Variants in PNPO observed in about 807,000 individuals in gnomAD.
PNPO encodes the protein pyridoxamine 5'-phosphate oxidase.
A neutral mutation model predicts 35.0 loss-of-function variants in PNPO; 39 were observed. The observed-to-expected ratio is 1.11, with a 90% CI of 0.86 to 1.45. The LOEUF is 1.45. Among genes scored for constraint, PNPO ranks in the 40% most tolerant of loss-of-function variants. The pLI is 0.00. For missense variants in PNPO, 288 were observed against 340.0 expected (o/e 0.85, Z 1.20); for synonymous variants, 115 against 119.8 (o/e 0.96, Z 0.26).
At chr17:47,943,836 T>C (rs2035974497) in intron 2 of PNPO, among the ~76,000 whole-genome samples, 1 of 152,212 alleles carries the variant, frequency 6.6e-6, no homozygotes, top group Non-Finnish European at 1.5e-5. Flanking sequence ...ACATCACTTG[T>C]ATTAGCCTGT....
Position 47,945,887 on chromosome 17 carries a change from A to G in PNPO, c.444A>G (p.Lys148=). The change falls in exon 5 of 7, where the codon AAA becomes AAG. Residue 148 remains lysine, a synonymous_variant. Coordinates refer to ENST00000642017, the MANE Select transcript of PNPO (RefSeq NM_018129.4). The surrounding 1 kb of genome is among the most constrained non-coding windows in gnomAD (Gnocchi z 4.0). ...TGCGTGTGGAAGGCCCTGTGAAGAA[A>G]CTGCCTGAGGAGGAGGCTGAGTGCT... is the stretch of plus-strand genomic sequence containing the variant. ...RQVRVEGPVK[K]LPEEEAECYF... 1 of 1,613,844 alleles carries G rather than the reference A, an allele frequency of 6.2e-7. No homozygotes were observed. The highest frequency in any genetic ancestry group is 8.5e-7 in the Non-Finnish European group (1 of 1,180,026).
chr17:47,946,279 A>G, intron 5 of PNPO, 44 bp from the exon 6 acceptor site: 1 of 1,435,800 alleles, frequency 7.0e-7, no homozygotes, highest in Non-Finnish European at 9.8e-7. Flanking sequence ...TTAATGAATC[A>G]TTGACTGGGC....
At chr17:47,943,252 G>A (rs527622976) in intron 1 of PNPO, 54 bp from the exon 2 acceptor site, 264 of 1,439,766 alleles carry the variant, frequency 1.8e-4, no homozygotes, top group Non-Finnish European at 2.5e-4. Flanking sequence ...ACAGTGCCAG[G>A]TCCATAGTAA....
rs184714183 is a variant in PNPO at position 47,945,377 on chromosome 17, C to T, written c.364-182C>T. 2.1e-5 allele frequency: 13 copies of T among 624,576 alleles called. No homozygotes were observed. Among genetic ancestry groups the T allele is most frequent in the South Asian group, 5.1e-5 (3 of 58,274 alleles). The allele number at this position is 624,576 out of a possible 1,614,324, so 38.7% of individuals were successfully genotyped here. ...ACCACTTCCTGCAGGAACTTGGGCA[C>T]GTGACTTAGCCTGTCTCTGTGTCTG... On this transcript the variant is annotated intron_variant, in intron 3 of 6. Coordinates refer to ENST00000642017, the MANE Select transcript of PNPO (RefSeq NM_018129.4). This position sits in a 1 kb window ranked among gnomAD's most constrained non-coding sequence, Gnocchi z 4.0.
In PNPO at chr17:47,941,747, C is replaced by A; in HGVS notation, c.72C>A (p.His24Gln). The A allele has an allele frequency of 4.5e-6, 7 of 1,558,108 alleles. No homozygotes were observed. The highest frequency in any genetic ancestry group is 6.1e-6 in the Non-Finnish European group (7 of 1,150,872). Reference protein sequence around the residue: ...RPAEWPGYLSHLCGRSAAMDL... With the variant: ...RPAEWPGYLSQLCGRSAAMDL... ...CCGAGTGGCCAGGCTACCTCAGTCA[C>A]CTGTGTGGTCGCAGTGCTGCCATGG... is the stretch of plus-strand genomic sequence containing the variant. Residue 24 changes from histidine to glutamine, a missense_variant, in exon 1 of 7, where the codon CAC becomes CAA. Physicochemically the swap from His to Gln is conservative, Grantham distance 24. Transcript: ENST00000642017.
chr17:47,946,412 T>C lies in PNPO; in HGVS notation c.617+19T>C. 1 of 1,588,124 alleles carries C rather than the reference T, an allele frequency of 6.3e-7. No individual in the cohort carries two copies. Among genetic ancestry groups the C allele is most frequent in the East Asian group, 2.2e-5 (1 of 44,776 alleles). ...AATCCTGGTGAGTGACATCTGGTAG[T>C]CCTCTAGAAAGGGACACCAGGCCCC... On this transcript the variant is annotated intron_variant, in intron 6 of 6. Transcript: ENST00000642017.
chr17:47,947,963 A>C lies in PNPO; in HGVS notation c.*1181A>C, dbSNP rs1731503698. 6.6e-6 allele frequency: 1 copy of C among 152,090 alleles called. No homozygotes were observed. The highest frequency in any genetic ancestry group is 1.5e-5 in the Non-Finnish European group (1 of 68,028). 9.4% of individuals were successfully genotyped at this position (152,090 alleles called of 1,614,324 possible). A position where few individuals can be genotyped will look rare whatever the true frequency, so the allele number is the denominator to read the frequency against. On this transcript the variant is annotated 3_prime_UTR_variant, in exon 7 of 7. Coordinates refer to ENST00000642017, the MANE Select transcript of PNPO (RefSeq NM_018129.4). Reference sequence around the variant, plus strand: ...GGCCGGGATAGTATATTTTTATAGCACTTCCCCTACTGATTGCTGCCTTCT... The same window carrying C: ...GGCCGGGATAGTATATTTTTATAGCCCTTCCCCTACTGATTGCTGCCTTCT...
At chr17:47,946,414 C>G in intron 6 of PNPO, 21 bp downstream of exon 6, 1 of 1,582,846 alleles carries the variant, frequency 6.3e-7, no homozygotes, top group Non-Finnish European at 8.7e-7. Flanking sequence ...TCTGGTAGTC[C>G]TCTAGAAAGG....
Position 47,941,592 on chromosome 17 carries a change from A to T in PNPO, c.-84A>T. 1 of 1,430,276 alleles carries T rather than the reference A, an allele frequency of 7.0e-7. No homozygotes were observed. The highest frequency in any genetic ancestry group is 9.2e-7 in the Non-Finnish European group (1 of 1,083,368). The allele number at this position is 1,430,276 out of a possible 1,614,324, so 88.6% of individuals were successfully genotyped here. On this transcript the variant is annotated 5_prime_UTR_variant, in exon 1 of 7. Coordinates refer to ENST00000642017, the MANE Select transcript of PNPO (RefSeq NM_018129.4). Reference sequence around the variant, plus strand: ...TGGCAAATCCTTCCTTCCCCGGGGTAGAAGTCCAGGGTGAGAAATTGGTTC... The same window carrying T: ...TGGCAAATCCTTCCTTCCCCGGGGTTGAAGTCCAGGGTGAGAAATTGGTTC...
At position 47,941,585 on chromosome 17, in the gene PNPO, C is replaced by G. The variant is rs1273788282; in HGVS notation, c.-91C>G. The G allele has an allele frequency of 4.2e-6, 6 of 1,421,004 alleles. No individual in the cohort carries two copies. The Admixed American group carries it at 1.5e-4, about 37-fold the overall frequency. The allele number at this position is 1,421,004 out of a possible 1,614,324, so 88.0% of individuals were successfully genotyped here. A position where few individuals can be genotyped will look rare whatever the true frequency, so the allele number is the denominator to read the frequency against. On this transcript the variant is annotated 5_prime_UTR_variant, in exon 1 of 7. Coordinates refer to ENST00000642017, the MANE Select transcript of PNPO (RefSeq NM_018129.4). ...GGGCGACTGGCAAATCCTTCCTTCCCCGGGGTAGAAGTCCAGGGTGAGAAA... is the reference window on the plus strand; with the variant it reads ...GGGCGACTGGCAAATCCTTCCTTCCGCGGGGTAGAAGTCCAGGGTGAGAAA...
Position 47,947,075 on chromosome 17 carries a change from G to C in PNPO, c.*293G>C, listed in dbSNP as rs111534752. On this transcript the variant is annotated 3_prime_UTR_variant, in exon 7 of 7. Coordinates refer to ENST00000642017, the MANE Select transcript of PNPO (RefSeq NM_018129.4). ...TAGCTCCCTCTAGGGGTAGCAGCCG[G>C]TGTGACTCCCTTTCTGGTGACAGAC... 1,836 of 394,810 alleles carry C rather than the reference G, an allele frequency of 4.7e-3. 37 individuals are homozygous for C. Among genetic ancestry groups the C allele is most frequent in the African/African-American group, 0.035 (1,727 of 49,038 alleles). The allele number at this position is 394,810 out of a possible 1,614,324, so 24.5% of individuals were successfully genotyped here. A position where few individuals can be genotyped will look rare whatever the true frequency, so the allele number is the denominator to read the frequency against.
At chr17:47,942,321 C>T (rs2035949303) in intron 1 of PNPO, among the ~76,000 whole-genome samples, 1 of 150,764 alleles carries the variant, frequency 6.6e-6, no homozygotes, top group Non-Finnish European at 1.5e-5. Context: ...GAGGGGTCCT[C>T]GGAGTCATCT....
rs973647964 is a variant in PNPO at position 47,948,016 on chromosome 17, A to G, written c.*1234A>G. The G allele has an allele frequency of 6.6e-6, 1 of 152,174 alleles. No homozygotes were observed. The highest frequency in any genetic ancestry group is 2.4e-5 in the African/African-American group (1 of 41,450). The allele number at this position is 152,174 out of a possible 1,614,324, so 9.4% of individuals were successfully genotyped here. On this transcript the variant is annotated 3_prime_UTR_variant, in exon 7 of 7. Coordinates refer to ENST00000642017, the MANE Select transcript of PNPO (RefSeq NM_018129.4). ...GTGGCTACAAGGGACCCACAGAATT[A>G]CAGGGAAGTTACAGGGAAGCAGGTT...
chr17:47,941,674 C>T lies in PNPO; in HGVS notation c.-2C>T, dbSNP rs1281085196. 2 of 1,534,718 alleles carry T rather than the reference C, an allele frequency of 1.3e-6. No individual in the cohort carries two copies. The highest frequency in any genetic ancestry group is 2.4e-5 in the South Asian group (2 of 83,456). ...GCCGGGTCACGTGGCCGGCGGCCCC[C>T]CATGACGTGCTGGCTGCGGGGCGTC... On this transcript the variant is annotated 5_prime_UTR_variant, in exon 1 of 7. Coordinates refer to ENST00000642017, the MANE Select transcript of PNPO (RefSeq NM_018129.4).
chr17:47,941,974 T>C, intron 1 of PNPO, 161 bp downstream of exon 1: 2 of 1,348,762 alleles, frequency 1.5e-6, no homozygotes, highest in Non-Finnish European at 1.9e-6. Flanking sequence ...AAAGGGGGCT[T>C]CAAAGACATC....
Position 47,948,363 on chromosome 17 carries a change from A to T in PNPO, c.*1581A>T, listed in dbSNP as rs2036036026. ...TTCATTGGTTTTTCCCCCACACTGG[A>T]ATTACCTGGGGAGCTTAAAAAACCC... On this transcript the variant is annotated 3_prime_UTR_variant, in exon 7 of 7. Coordinates refer to ENST00000642017, the MANE Select transcript of PNPO (RefSeq NM_018129.4). 6.6e-6 allele frequency: 1 copy of T among 152,112 alleles called. No homozygotes were observed. Among genetic ancestry groups the T allele is most frequent in the African/African-American group, 2.4e-5 (1 of 41,394 alleles). 9.4% of individuals were successfully genotyped at this position (152,112 alleles called of 1,614,324 possible).
Position 47,945,468 on chromosome 17 carries a change from G to T in PNPO, c.364-91G>T. On this transcript the variant is annotated intron_variant, in intron 3 of 6. Transcript: ENST00000642017. The surrounding 1 kb of genome is among the most constrained non-coding windows in gnomAD (Gnocchi z 4.0). ...CGGTGGGTGCATCTGCTGTGGGCCT[G>T]CGCACTACAGCTCTCCTGCCTTTTC... 4.2e-6 allele frequency: 4 copies of T among 960,642 alleles called. No homozygotes were observed. The South Asian group carries it at 5.1e-5, about 12-fold the overall frequency. 59.5% of individuals were successfully genotyped at this position (960,642 alleles called of 1,614,324 possible).
chr17:47,946,935 T>G lies in PNPO; in HGVS notation c.*153T>G, dbSNP rs370246326. On this transcript the variant is annotated 3_prime_UTR_variant, in exon 7 of 7. Coordinates refer to ENST00000642017, the MANE Select transcript of PNPO (RefSeq NM_018129.4). The stretch of plus-strand genomic sequence containing the variant: ...CAGAGCTAATCCTCTAAGTTCTCTG[T>G]ACTCAGTTGGTTCTCAGTTAGCTGG... 8 of 675,284 alleles carry G rather than the reference T, an allele frequency of 1.2e-5. 1 individual carries two copies. Among genetic ancestry groups the G allele is most frequent in the African/African-American group, 3.6e-5 (2 of 55,646 alleles). 41.8% of individuals were successfully genotyped at this position (675,284 alleles called of 1,614,324 possible).
chr17:47,941,840 G>A lies in PNPO; in HGVS notation c.138+27G>A, dbSNP rs558308391. On this transcript the variant is annotated intron_variant, in intron 1 of 6. Transcript: ENST00000642017. ...TGCCGCCGCTAGGGCCAGGCCTCCT[G>A]CAGGGGCGGGGGAAAAGGGGTCCCC... The A allele has an allele frequency of 7.8e-6, 12 of 1,545,238 alleles. No homozygotes were observed. The Middle Eastern group carries it at 7.1e-4, about 91-fold the overall frequency.
Sources: allele counts gnomAD v4.1 joint callset (sites outside exome capture counted in the v4.1 genomes callset), GRCh38; gene constraint gnomAD v4.1.1; non-coding constraint Gnocchi (gnomAD v3.1); transcripts MANE v1.5; gene names NCBI Gene and HGNC (gene_info 2026-07-23, HGNC 2026-07-21).